The following CENPE variants were observed in gnomAD, a reference collection of about 807,000 sequenced individuals.
The protein encoded by CENPE is centromere protein E.
In CENPE, 145 loss-of-function variants were observed where a neutral mutation model predicts 336.1. The observed-to-expected ratio is 0.43, with a 90% confidence interval of 0.38 to 0.50. The LOEUF (loss-of-function observed/expected upper bound fraction) is 0.50. Ranked by LOEUF, CENPE falls within the 20% of genes least tolerant of loss-of-function variation. The pLI, the probability that CENPE is intolerant of heterozygous loss-of-function variation, is 0.00. For synonymous variants in CENPE, 1,013 were observed against 984.8 expected (o/e 1.03, Z -0.54); for missense variants, 2,719 against 3,023.3 (o/e 0.90, Z 2.36).
intron 38 of CENPE, among the ~76,000 whole-genome samples, 177 bp downstream of exon 38, chr4:103,139,612 A>G (rs760994196): frequency 6.6e-5 from 10 of 152,184 alleles, no homozygotes; most frequent in Non-Finnish European, 1.0e-4. Context: ...TTTTCTGAAA[A>G]TATTTTTGCT....
At position 103,136,267 on chromosome 4, in the gene CENPE, T is replaced by C; in HGVS notation, c.6396A>G (p.Lys2132=). Reference sequence around the variant, plus strand: ...TTGCTTTAACTCTCATTGAAAGCTCTTTTTGGAATTCAATTTCCTTCTCCA... The same window carrying C: ...TTGCTTTAACTCTCATTGAAAGCTCCTTTTGGAATTCAATTTCCTTCTCCA... ...LDLEKEIEFQ[K]ELSMRVKANL... is the part of the protein sequence containing the mutation. Residue 2132 remains lysine (K), a synonymous_variant, in exon 40 of 49, where the codon AAA becomes AAG. Coordinates refer to ENST00000265148, the MANE Select transcript of CENPE (RefSeq NM_001813.3). 1 of 1,613,624 alleles carries C rather than the reference T, an allele frequency of 6.2e-7. No homozygotes were observed. The highest frequency in any genetic ancestry group is 8.5e-7 in the Non-Finnish European group (1 of 1,179,690).
At position 103,185,740 on chromosome 4, in the gene CENPE, C is replaced by T. The variant is rs1222070229; in HGVS notation, c.745+70G>A. 4.4e-6 allele frequency: 4 copies of T among 901,330 alleles called. No homozygotes were observed. The East Asian group carries it at 1.0e-4, about 24-fold the overall frequency. The allele number at this position is 901,330 out of a possible 1,614,324, so 55.8% of individuals were successfully genotyped here. A position where few individuals can be genotyped will look rare whatever the true frequency, so the allele number is the denominator to read the frequency against. On this transcript the variant is annotated intron_variant, in intron 9 of 48. Transcript: ENST00000265148. ...TTACTTTATCAATTTCTAAAAATGC[C>T]TGGTAGTACTTTTTAAACCTGTAAA...
intron 16 of CENPE, among the ~76,000 whole-genome samples, chr4:103,167,194 TATAAA>T (rs1222103331): frequency 1.3e-5 from 2 of 152,188 alleles, no homozygotes; most frequent in Non-Finnish European, 2.9e-5. Flanking sequence ...AGCATCCATA[TATAAA>T]ATAGTCATCT....
Position 103,111,017 on chromosome 4 carries a change from G to A in CENPE, c.7541-6C>T. 6.5e-7 allele frequency: 1 copy of A among 1,549,018 alleles called. No individual in the cohort carries two copies. The highest frequency in any genetic ancestry group is 2.3e-5 in the East Asian group (1 of 43,500). On this transcript the variant is annotated splice_region_variant and splice_polypyrimidine_tract_variant and intron_variant, in intron 46 of 48. Transcript: ENST00000265148. The stretch of plus-strand genomic sequence containing the variant: ...ATCAGTATGTTCTGATATCACTGTG[G>A]GAGGAAAATATACAAATAGGTGATA...
In CENPE at chr4:103,132,714, G is replaced by A. The variant is rs1176763516; in HGVS notation, c.6903C>T (p.Asn2301=). The change falls in exon 42 of 49, where the codon AAC becomes AAT. Residue 2301 remains asparagine (N), a synonymous_variant. Coordinates refer to ENST00000265148, the MANE Select transcript of CENPE (RefSeq NM_001813.3). ...KENDRICQVN[N]FFNNRIIAIM... is the part of the protein sequence containing the mutation. ...TTACAATTATTCTGTTATTAAAGAA[G>A]TTATTCACTTGACAAATCCTATCAT... 3.3e-6 allele frequency: 5 copies of A among 1,534,344 alleles called. No homozygotes were observed. The African/African-American group carries it at 6.9e-5, about 21-fold the overall frequency.
At chr4:103,134,461 T>C (rs1751884299) in intron 40 of CENPE, among the ~76,000 whole-genome samples, 1 of 151,864 alleles carries the variant, frequency 6.6e-6, no homozygotes, top group East Asian at 1.9e-4. Flanking sequence ...AGTGAAACCC[T>C]GTCTCTACTA....
intron 14 of CENPE, among the ~76,000 whole-genome samples, 160 bp from the exon 15 acceptor site, chr4:103,176,208 T>C (rs530450129): frequency 5.3e-5 from 8 of 152,322 alleles, no homozygotes; most frequent in African/African-American, 1.9e-4. Context: ...TTAATAGATA[T>C]GGTCATTTAT....
intron 24 of CENPE, among the ~76,000 whole-genome samples, chr4:103,156,966 A>G (rs1754009560): frequency 6.6e-6 from 1 of 151,888 alleles, no homozygotes; most frequent in Middle Eastern, 3.4e-3. Context: ...ATGGCCAAAA[A>G]GCACACGAAG....
chr4:103,146,385 T>C (rs556494180), intron 29 of CENPE, among the ~76,000 whole-genome samples: 40 of 152,346 alleles, frequency 2.6e-4, no homozygotes, highest in Non-Finnish European at 5.4e-4. Flanking sequence ...AGGACAAAGA[T>C]AGATATGATG....
chr4:103,107,596 C>T (rs919934894), intron 48 of CENPE, among the ~76,000 whole-genome samples: 12 of 152,168 alleles, frequency 7.9e-5, no homozygotes, highest in African/African-American at 1.9e-4. Context: ...CAAGAAATGC[C>T]GTGTTACCGT....
At position 103,161,336 on chromosome 4, in the gene CENPE, A is replaced by G. The variant is rs1398196739; in HGVS notation, c.1964T>C (p.Met655Thr). 2 of 1,609,198 alleles carry G rather than the reference A, an allele frequency of 1.2e-6. No homozygotes were observed. Among genetic ancestry groups the G allele is most frequent in the African/African-American group, 2.7e-5 (2 of 74,576 alleles). ...ATAAATATTACAAAAAATACTTACC[A>G]TTTTCTCCTTCAGCTCCAGATTTTC... ...RSENLELKEK[M>T]KELATTYKQM... Residue 655 changes from methionine to threonine, a missense_variant and splice_region_variant, in exon 19 of 49, where the codon ATG becomes ACG. By Grantham distance (81) the Met-to-Thr change is moderately conservative. Coordinates refer to ENST00000265148, the MANE Select transcript of CENPE (RefSeq NM_001813.3).
intron 42 of CENPE, among the ~76,000 whole-genome samples, chr4:103,125,139 C>T (rs995334955): frequency 6.6e-6 from 1 of 152,196 alleles, no homozygotes; most frequent in African/African-American, 2.4e-5. Flanking sequence ...ACAGGATGAA[C>T]TTTCCAAGCG....
intron 5 of CENPE, 81 bp downstream of exon 5, chr4:103,195,033 T>C (rs1249469103): frequency 2.4e-6 from 3 of 1,275,446 alleles, no homozygotes; most frequent in Non-Finnish European, 3.2e-6. Context: ...TTAAAAACTA[T>C]AGAAATTAAA....
intron 45 of CENPE, chr4:103,116,251 T>TACACACATACACACAC (rs145588269): frequency 6.7e-5 from 10 of 149,858 alleles, no homozygotes; most frequent in African/African-American, 2.5e-4. Context: ...AACTGCTAAA[T>TACACACATACACACAC]ACACACACAC....
chr4:103,198,182 G>A, intron 1 of CENPE, 82 bp downstream of exon 1: 1 of 1,374,656 alleles, frequency 7.3e-7, no homozygotes, highest in South Asian at 1.3e-5. Context: ...GCGGCTCCTG[G>A]AAACATCGTA....
intron 11 of CENPE, among the ~76,000 whole-genome samples, chr4:103,182,520 T>C (rs1479099199): frequency 6.6e-6 from 1 of 152,204 alleles, no homozygotes; most frequent in Non-Finnish European, 1.5e-5. Flanking sequence ...AAAAAGTGAG[T>C]TATTTTAAAA....
chr4:103,112,128 G>GT (rs957062880), intron 46 of CENPE, among the ~76,000 whole-genome samples: 4 of 151,086 alleles, frequency 2.6e-5, no homozygotes, highest in African/African-American at 9.7e-5. Context: ...ATATATATGT[G>GT]TGAGCATAAC....
At position 103,108,717 on chromosome 4, in the gene CENPE, T is replaced by C. The variant is rs547017689; in HGVS notation, c.8011+86A>G. On this transcript the variant is annotated intron_variant, in intron 48 of 48. Coordinates refer to ENST00000265148, the MANE Select transcript of CENPE (RefSeq NM_001813.3). ...GCTTACTCAACTAAATCATCTCTTA[T>C]CTAAACTTGCCCTTTGGGATCACAT... is the stretch of plus-strand genomic sequence containing the variant. 1.0e-4 allele frequency: 127 copies of C among 1,256,104 alleles called. No individual in the cohort carries two copies. In the East Asian group the frequency reaches 2.9e-3, roughly 28 times the overall value. 77.8% of individuals were successfully genotyped at this position (1,256,104 alleles called of 1,614,324 possible).
chr4:103,190,436 A>G (rs918540831), intron 8 of CENPE, among the ~76,000 whole-genome samples: 8 of 152,350 alleles, frequency 5.3e-5, no homozygotes, highest in African/African-American at 1.9e-4. Context: ...TACTAGTACC[A>G]AAACAGAGAT....
Sources: allele counts gnomAD v4.1 joint callset (sites outside exome capture counted in the v4.1 genomes callset), GRCh38; gene constraint gnomAD v4.1.1; transcripts MANE v1.5; gene names NCBI Gene and HGNC (gene_info 2026-07-23, HGNC 2026-07-21).